GPR143: variants seen among roughly 807,000 people sequenced by gnomAD.
The protein encoded by GPR143 is G protein-coupled receptor 143, also known as G-protein coupled receptor 143.
In GPR143, 8 loss-of-function variants were observed where a neutral mutation model predicts 27.6. The observed-to-expected ratio is 0.29, with a 90% CI of 0.17 to 0.52. The LOEUF is 0.52. Ranked by LOEUF, GPR143 falls within the 20% of genes least tolerant of loss-of-function variation. The pLI is 0.96. For missense variants in GPR143, 303 were observed against 343.1 expected, an observed-to-expected ratio of 0.88 and a Z score of 0.92; for synonymous variants, 156 against 153.2, an observed-to-expected ratio of 1.02 and a Z score of -0.13.
intron 1 of GPR143, among the ~76,000 whole-genome samples, chrX:9,774,398 C>A (rs2083564400): frequency 8.9e-6 from 1 of 111,883 alleles, no homozygotes; most frequent in Non-Finnish European, 1.9e-5. Flanking sequence ...AAGAGTCCAC[C>A]ACAGCCACTC....
intron 3 of GPR143, among the ~76,000 whole-genome samples, chrX:9,753,977 C>T (rs535226151): frequency 1.8e-5 from 2 of 111,873 alleles, no homozygotes; most frequent in Admixed American, 1.9e-4. Context: ...GTTGAGGCCG[C>T]AGCCTTCCAG....
At chrX:9,777,456 G>T (rs1202571846) in intron 1 of GPR143, among the ~76,000 whole-genome samples, 1 of 111,520 alleles carries the variant, frequency 9.0e-6, no homozygotes, top group Non-Finnish European at 1.9e-5. Context: ...GGGAGAGAAT[G>T]TGACACATTT....
At chrX:9,763,022 C>T (rs770987179) in intron 1 of GPR143, among the ~76,000 whole-genome samples, 1 of 110,948 alleles carries the variant, frequency 9.0e-6, no homozygotes, top group South Asian at 3.9e-4. Context: ...AATTCCTGGG[C>T]TCAAATGGTC....
intron 3 of GPR143, among the ~76,000 whole-genome samples, chrX:9,757,676 G>A (rs1351758058): frequency 7.2e-5 from 8 of 111,438 alleles, no homozygotes; most frequent in Non-Finnish European, 1.5e-4. Flanking sequence ...TAACGGTGAT[G>A]GTTATGCAAT....
At chrX:9,748,296 A>G (rs1365407841) in intron 4 of GPR143, among the ~76,000 whole-genome samples, 1 of 112,650 alleles carries the variant, frequency 8.9e-6, no homozygotes, top group African/African-American at 3.2e-5. Context: ...ACGTGGAGGG[A>G]AATATGCGGA....
At chrX:9,739,222 A>T (rs2146683751) in intron 8 of GPR143, among the ~76,000 whole-genome samples, 1 of 112,572 alleles carries the variant, frequency 8.9e-6, no homozygotes, top group African/African-American at 3.2e-5. Flanking sequence ...TCACATTTTT[A>T]GATCCAAGCC....
At position 9,726,700 on chromosome X, in the gene GPR143, C is replaced by T. The variant is rs181705970; in HGVS notation, c.1121-860G>A. Among the ~76,000 whole-genome samples, 3 of 112,212 alleles carry T rather than the reference C, an allele frequency of 2.7e-5. No homozygotes were observed. In the East Asian group the frequency reaches 8.4e-4, roughly 31 times the overall value. ...AATCATGAAGAATCTTGTAACTGGT[C>T]ACATTTTTCTCTTTACTCCCCATTT... is the stretch of plus-strand genomic sequence containing the variant. On this transcript the variant is annotated intron_variant, in intron 8 of 8. Coordinates refer to ENST00000467482, the MANE Select transcript of GPR143 (RefSeq NM_000273.3).
chrX:9,732,036 G>T (rs949339353), intron 8 of GPR143, among the ~76,000 whole-genome samples: 7 of 112,086 alleles, frequency 6.2e-5, no homozygotes. Flanking sequence ...TAGAAAAAGA[G>T]ATCTGTGAAA....
chrX:9,726,145 C>T (rs756245852), intron 8 of GPR143, among the ~76,000 whole-genome samples: 2 of 110,964 alleles, frequency 1.8e-5, no homozygotes, highest in South Asian at 7.8e-4. Flanking sequence ...GGTGACACAA[C>T]TGTTGGTTTA....
At chrX:9,768,606 G>C (rs774230626), upstream of GPR143, among the ~76,000 whole-genome samples, 3 of 111,537 alleles carry the variant, frequency 2.7e-5, no homozygotes, top group East Asian at 8.5e-4. Context: ...CTTGAGCCCA[G>C]GAGTTTGAGG....
rs1482903312 is a variant in GPR143, at chrX:9,765,739, G to A, written c.79C>T (p.Arg27Trp). ...ATQLVLSFQP[R>W]AFHALCLGSG... The stretch of plus-strand genomic sequence containing the variant: ...CCCAGGCAGAGCGCGTGGAAGGCCC[G>A]CGGCTGGAAGCTCAGCACGAGCTGC... The change falls in exon 1 of 9, where the codon CGG becomes TGG. Residue 27 changes from arginine (R) to tryptophan (W), a missense_variant. Physicochemically the swap from Arg to Trp is moderately radical, Grantham distance 101. Transcript: ENST00000467482. 12 of 1,124,473 alleles carry A rather than the reference G, an allele frequency of 1.1e-5. No individual in the cohort carries two copies. The South Asian group carries it at 1.2e-4, about 11-fold the overall frequency. The allele number at this position is 1,124,473 out of a possible 1,213,427, so 92.7% of individuals were successfully genotyped here.
At chrX:9,754,818 G>A (rs2083466608) in intron 3 of GPR143, among the ~76,000 whole-genome samples, 1 of 110,925 alleles carries the variant, frequency 9.0e-6, no homozygotes, top group Non-Finnish European at 1.9e-5. Context: ...ATCCTCTATG[G>A]CAGCAGAGGG....
At chrX:9,765,953 G>C, upstream of GPR143, 1 of 624,805 alleles carries the variant, frequency 1.6e-6, no homozygotes, top group Non-Finnish European at 2.2e-6. Context: ...CTGCAGTAGA[G>C]CCAGGCTCGG....
At chrX:9,776,011 T>C (rs1045623879) in intron 1 of GPR143, among the ~76,000 whole-genome samples, 4 of 112,247 alleles carry the variant, frequency 3.6e-5, no homozygotes, top group African/African-American at 1.3e-4. Context: ...TCCTTAACCA[T>C]AGACTTTGGC....
chrX:9,763,952 A>G (rs1222281824), intron 1 of GPR143, among the ~76,000 whole-genome samples: 1 of 112,753 alleles, frequency 8.9e-6, no homozygotes, highest in African/African-American at 3.2e-5. Context: ...AGACATTAAC[A>G]TTTAAATTTC....
At chrX:9,747,183 G>A (rs941272127) in intron 4 of GPR143, among the ~76,000 whole-genome samples, 11 of 110,291 alleles carry the variant, frequency 1.0e-4, no homozygotes, top group African/African-American at 3.6e-4. Flanking sequence ...CTTGAAAGGA[G>A]AAAGAGAAAC....
At chrX:9,776,991 C>G (rs988679098) in intron 1 of GPR143, among the ~76,000 whole-genome samples, 3 of 111,690 alleles carry the variant, frequency 2.7e-5, no homozygotes, top group Non-Finnish European at 3.8e-5. Context: ...TCAAACTTTG[C>G]AGCCCACCTG....
chrX:9,755,248 T>G (rs776628778), intron 3 of GPR143, among the ~76,000 whole-genome samples: 1 of 110,828 alleles, frequency 9.0e-6, no homozygotes, highest in South Asian at 3.8e-4. Flanking sequence ...CGAAACCCCA[T>G]CTCTACTAAA....
At chrX:9,725,980 CAAAA>C (rs35066814) in intron 8 of GPR143, 140 bp from the exon 9 acceptor site, 3,015 of 348,245 alleles carry the variant, frequency 8.7e-3, no homozygotes, top group Non-Finnish European at 9.0e-3. Flanking sequence ...ATCTCATCTG[CAAAA>C]AAAAAAAAAA....
Sources: gnomAD v4.1 joint callset for allele counts (sites outside exome capture counted in the v4.1 genomes callset) on GRCh38, gnomAD v4.1.1 for gene constraint, MANE v1.5 for transcripts, NCBI Gene and HGNC (gene_info 2026-07-23, HGNC 2026-07-21) for gene names.